NPY4R: variants seen among roughly 807,000 people sequenced by gnomAD.
NPY4R encodes the protein neuropeptide Y receptor type 4.
In NPY4R, 2 loss-of-function variants were observed where a neutral mutation model predicts 11.9. That is an observed-to-expected ratio of 0.17 (90% CI 0.07 to 0.53). The LOEUF is 0.53. Ranked by LOEUF, NPY4R falls within the 20% of genes least tolerant of loss-of-function variation. The pLI is 0.94. For synonymous variants in NPY4R, 8 were observed against 121.7 expected (o/e 0.07, Z 6.15); for missense variants, 26 against 280.2 (o/e 0.09, Z 6.48).
chr10:46,466,235 CTTTCTTT>C (rs1841030973), upstream of NPY4R, among the ~76,000 whole-genome samples: 1 of 69,186 alleles, frequency 1.4e-5, no homozygotes, highest in Non-Finnish European at 2.8e-5. Flanking sequence ...TTCTTTCTTT[CTTTCTTT>C]CTTTCTTTCT....
upstream of NPY4R, among the ~76,000 whole-genome samples, chr10:46,466,252 TTTC>T (rs1841037759): frequency 0.023 from 1,638 of 72,222 alleles, 170 homozygotes; most frequent in African/African-American, 0.08. Flanking sequence ...TCTTTCTTTC[TTTC>T]TTTCTTTCCT....
upstream of NPY4R, among the ~76,000 whole-genome samples, chr10:46,466,210 T>C (rs1164901640): frequency 1.0e-4 from 6 of 59,646 alleles, no homozygotes; most frequent in African/African-American, 4.3e-4. Flanking sequence ...TTTCTTTCTT[T>C]CTTTCTTTCT....
intron 2 of NPY4R, 21 bp downstream of exon 2, chr10:46,463,709 A>G (rs1382468063): frequency 9.0e-6 from 1 of 110,552 alleles, no homozygotes; most frequent in East Asian, 2.2e-4. Flanking sequence ...CCATACCACT[A>G]CATACATCAT....
chr10:46,466,284 C>CT (rs1468439122), upstream of NPY4R, among the ~76,000 whole-genome samples: 1,119 of 32,640 alleles, frequency 0.034, 112 homozygotes, highest in Non-Finnish European at 0.039. Flanking sequence ...TTCTTTCTTT[C>CT]TCTCTCTCTC....
At chr10:46,466,258 T>TC (rs1206898244), upstream of NPY4R, among the ~76,000 whole-genome samples, 23 of 62,642 alleles carry the variant, frequency 3.7e-4, 3 homozygotes, top group Non-Finnish European at 4.8e-4. Flanking sequence ...TTTCTTTCTT[T>TC]CTTTCCTTTC....
At chr10:46,466,247 CTTTCTTTCTTTCTTTCCTTTCTTTCTT>C (rs1841035192), upstream of NPY4R, among the ~76,000 whole-genome samples, 1 of 68,808 alleles carries the variant, frequency 1.5e-5, no homozygotes, top group African/African-American at 8.5e-5. Flanking sequence ...TTCTTTCTTT[CTTTCTTTCTTTCTTTCCTTTCTTTCTT>C]TCTTTCTTTC....
upstream of NPY4R, among the ~76,000 whole-genome samples, chr10:46,466,189 TTCTTTCTTTC>T (rs1841019514): frequency 1.5e-4 from 2 of 13,544 alleles, no homozygotes; most frequent in Admixed American, 6.2e-4. Context: ...CTCTCTTTCT[TTCTTTCTTTC>T]TTTCTTTCTT....
chr10:46,466,247 CTT>C (rs1257277143), upstream of NPY4R, among the ~76,000 whole-genome samples: 2 of 68,806 alleles, frequency 2.9e-5, no homozygotes, highest in Admixed American at 1.5e-4. Flanking sequence ...TTCTTTCTTT[CTT>C]TCTTTCTTTC....
chr10:46,464,268 G>C (rs1284742651), intron 1 of NPY4R, among the ~76,000 whole-genome samples: 24,197 of 125,434 alleles, frequency 0.19, 123 homozygotes, highest in Non-Finnish European at 0.24. Flanking sequence ...ACATGGGAGG[G>C]TGAAGCAGGA....
At chr10:46,464,429 T>G (rs1377095777) in intron 1 of NPY4R, among the ~76,000 whole-genome samples, 2 of 114,592 alleles carry the variant, frequency 1.7e-5, no homozygotes, top group African/African-American at 6.8e-5. Context: ...ATTCACCTGA[T>G]AGTTTACAGT....
chr10:46,466,251 CTTTCTTTCTTTCCTTTCTTT>C (rs1841037416), upstream of NPY4R, among the ~76,000 whole-genome samples: 1 of 68,420 alleles, frequency 1.5e-5, no homozygotes, highest in Non-Finnish European at 2.7e-5. Context: ...TTCTTTCTTT[CTTTCTTTCTTTCCTTTCTTT>C]CTTTCTTTCT....
upstream of NPY4R, among the ~76,000 whole-genome samples, chr10:46,466,260 T>TCCCTCCC (rs1841041152): frequency 1.5e-5 from 1 of 66,030 alleles, no homozygotes; most frequent in African/African-American, 8.4e-5. Context: ...TCTTTCTTTC[T>TCCCTCCC]TTCCTTTCTT....
At chr10:46,466,186 T>C (rs1432411093), upstream of NPY4R, among the ~76,000 whole-genome samples, 4 of 496 alleles carry the variant, frequency 8.1e-3, 1 homozygote, top group Admixed American at 0.048. Context: ...TTTCTCTCTT[T>C]CTTTCTTTCT....
At chr10:46,464,347 C>T (rs1840948012) in intron 1 of NPY4R, among the ~76,000 whole-genome samples, 1 of 102,180 alleles carries the variant, frequency 9.8e-6, no homozygotes, top group African/African-American at 3.9e-5. Context: ...CCAGCCTGGG[C>T]AACAGAGCGA....
chr10:46,466,266 TTCTTTCTTTCTTTCTTTC>T (rs1841043719), upstream of NPY4R, among the ~76,000 whole-genome samples: 35 of 69,030 alleles, frequency 5.1e-4, no homozygotes, highest in Middle Eastern at 6.8e-3. Flanking sequence ...TTTCTTTCCT[TTCTTTCTTTCTTTCTTTC>T]TCTCTCTCTC....
upstream of NPY4R, among the ~76,000 whole-genome samples, chr10:46,466,192 TTTC>T (rs1565142206): frequency 7.1e-3 from 147 of 20,758 alleles, 5 homozygotes; most frequent in African/African-American, 0.031. Context: ...TCTTTCTTTC[TTTC>T]TTTCTTTCTT....
upstream of NPY4R, among the ~76,000 whole-genome samples, chr10:46,466,261 TTCC>T (rs1411935681): frequency 1.4e-4 from 9 of 62,788 alleles, 3 homozygotes; most frequent in African/African-American, 1.9e-4. Context: ...CTTTCTTTCT[TTCC>T]TTTCTTTCTT....
upstream of NPY4R, among the ~76,000 whole-genome samples, chr10:46,466,242 T>TC (rs1491159456): frequency 4.3e-5 from 3 of 69,934 alleles, no homozygotes; most frequent in Admixed American, 1.4e-4. Flanking sequence ...TTTCTTTCTT[T>TC]CTTTCTTTCT....
At chr10:46,467,774 T>A (rs1275760593), upstream of NPY4R, among the ~76,000 whole-genome samples, 3 of 123,728 alleles carry the variant, frequency 2.4e-5, no homozygotes, top group Non-Finnish European at 5.2e-5. Flanking sequence ...GGGAGCTCTA[T>A]GGACACCCGT....
Sources: gnomAD v4.1 joint callset for allele counts (sites outside exome capture counted in the v4.1 genomes callset) on GRCh38, gnomAD v4.1.1 for gene constraint, MANE v1.5 for transcripts, NCBI Gene and HGNC (gene_info 2026-07-23, HGNC 2026-07-21) for gene names.